The following HPCAL1 variants were observed in gnomAD, a reference collection of about 807,000 sequenced individuals.
HPCAL1 encodes the protein hippocalcin-like protein 1.
In HPCAL1, 8 loss-of-function variants were observed where a neutral mutation model predicts 17.1. The ratio of observed to expected loss-of-function variants is 0.47; its 90% CI spans 0.27 to 0.84. HPCAL1 has a LOEUF of 0.84. Among genes scored for constraint, HPCAL1 ranks in the 40% least tolerant of loss-of-function variants. The pLI is 0.13. For synonymous variants in HPCAL1, 112 were observed against 111.4 expected (o/e 1.01, Z -0.03); for missense variants, 165 against 271.1 (o/e 0.61, Z 2.75).
chr2:10,399,409 CCACCACCACCACCAT>C (rs1669371615), intron 2 of HPCAL1, among the ~76,000 whole-genome samples: 1 of 57,362 alleles, frequency 1.7e-5, no homozygotes, highest in African/African-American at 6.4e-5. Flanking sequence ...ACCACCACCA[CCACCACCACCACCAT>C]CACCACCACC....
intron 1 of HPCAL1, among the ~76,000 whole-genome samples, chr2:10,345,035 CTGTT>C (rs1049217861): frequency 6.6e-6 from 1 of 151,694 alleles, no homozygotes; most frequent in African/African-American, 2.4e-5. Context: ...CTCTATGTGT[CTGTT>C]TCTCTCTCTC....
rs1670921118 is a variant in HPCAL1, at chr2:10,419,806, C to T, written c.49C>T (p.Arg17Trp). ...GCGGCCCGAGGTGCTGCAGGACCTG[C>T]GGGAGAACACGGAGTTCACCGACCA... ...KLRPEVLQDLRENTEFTDHEL... is the reference protein window; with the variant it reads ...KLRPEVLQDLWENTEFTDHEL... The change falls in exon 3 of 5, where the codon CGG (arginine) becomes TGG (tryptophan). Residue 17 changes from arginine to tryptophan, a missense_variant. Coordinates refer to ENST00000307845, the MANE Select transcript of HPCAL1 (RefSeq NM_002149.4). The surrounding 1 kb of genome is among the most constrained non-coding windows in gnomAD (Gnocchi z 5.0). The T allele has an allele frequency of 1.9e-6, 3 of 1,613,320 alleles. No individual in the cohort carries two copies. Among genetic ancestry groups the T allele is most frequent in the Non-Finnish European group, 2.5e-6 (3 of 1,179,894 alleles).
intron 1 of HPCAL1, among the ~76,000 whole-genome samples, chr2:10,345,644 A>G (rs1164341620): frequency 6.6e-6 from 1 of 151,870 alleles, no homozygotes; most frequent in Non-Finnish European, 1.5e-5. Flanking sequence ...TTTTGTAGAG[A>G]CAGGGTCTTG....
Position 10,322,377 on chromosome 2 carries a change from A to G in HPCAL1, c.-111+19200A>G, listed in dbSNP as rs557081719. Among the ~76,000 whole-genome samples the G allele has an allele frequency of 1.2e-4, 18 of 152,346 alleles. No homozygotes were observed. In the East Asian group the frequency reaches 3.3e-3, roughly 28 times the overall value. On this transcript the variant is annotated intron_variant, in intron 1 of 4. Transcript: ENST00000307845. Reference sequence around the variant, plus strand: ...TCTCATGAGAAGGTGACATCTGAGCAAAGACTTGAAGAAAATAAGGGCAGA... The same window carrying G: ...TCTCATGAGAAGGTGACATCTGAGCGAAGACTTGAAGAAAATAAGGGCAGA...
At position 10,422,968 on chromosome 2, in the gene HPCAL1, TG is replaced by T; in HGVS notation, c.379-14del. 6.3e-7 allele frequency: 1 copy of T among 1,589,570 alleles called. No homozygotes were observed. Among genetic ancestry groups the T allele is most frequent in the Non-Finnish European group, 8.6e-7 (1 of 1,158,704 alleles). ...CCCGGGCCTCTGAGCACAGTGTCAT[TG>T]CCCCCATCCGCAGGCCATCTACAAG... On this transcript the variant is annotated splice_polypyrimidine_tract_variant and intron_variant, in intron 3 of 4. Transcript: ENST00000307845.
Position 10,322,576 on chromosome 2 carries a change from G to A in HPCAL1, c.-111+19399G>A, listed in dbSNP as rs185060823. Among the ~76,000 whole-genome samples the A allele has an allele frequency of 1.3e-4, 20 of 152,340 alleles. No homozygotes were observed. The East Asian group carries it at 1.9e-3, about 15-fold the overall frequency. Reference sequence around the variant, plus strand: ...TTCTGGCTGAGGGGCAGCCTGCTGCGAGGGGTTTCCCTTTCTGAATAAAGA... The same window carrying A: ...TTCTGGCTGAGGGGCAGCCTGCTGCAAGGGGTTTCCCTTTCTGAATAAAGA... On this transcript the variant is annotated intron_variant, in intron 1 of 4. Coordinates refer to ENST00000307845, the MANE Select transcript of HPCAL1 (RefSeq NM_002149.4).
intron 1 of HPCAL1, among the ~76,000 whole-genome samples, chr2:10,385,941 G>A (rs1668283303): frequency 6.6e-6 from 1 of 152,144 alleles, no homozygotes; most frequent in African/African-American, 2.4e-5. Flanking sequence ...TTTTCTTCCT[G>A]CTCTGCCTGT....
intron 1 of HPCAL1, among the ~76,000 whole-genome samples, chr2:10,387,091 G>A (rs1055595319): frequency 6.6e-6 from 1 of 152,234 alleles, no homozygotes; most frequent in Non-Finnish European, 1.5e-5. Flanking sequence ...CAGATGGGGG[G>A]ATGGTCTGTA....
intron 2 of HPCAL1, among the ~76,000 whole-genome samples, chr2:10,400,355 A>G (rs1669523145): frequency 6.6e-6 from 1 of 152,236 alleles, no homozygotes; most frequent in Non-Finnish European, 1.5e-5. Flanking sequence ...GCCTCCTCCC[A>G]GGCTTAAGAG....
chr2:10,393,664 C>T (rs1389693704), intron 1 of HPCAL1, among the ~76,000 whole-genome samples: 1 of 152,162 alleles, frequency 6.6e-6, no homozygotes, highest in Non-Finnish European at 1.5e-5. Context: ...GACAGTGGGG[C>T]CTTTGCAACC....
chr2:10,348,608 A>T (rs200347959), intron 1 of HPCAL1, among the ~76,000 whole-genome samples: 5,861 of 105,002 alleles, frequency 0.056, 409 homozygotes, highest in African/African-American at 0.18. Flanking sequence ...TACAAAAAAA[A>T]AAAAATATAT....
rs773982088 is a variant in HPCAL1 at position 10,330,328 on chromosome 2, T to G, written c.-111+27151T>G. The G allele has an allele frequency of 2.0e-5, 3 of 152,276 alleles. No homozygotes were observed. The highest frequency in any genetic ancestry group is 2.9e-5 in the Non-Finnish European group (2 of 68,032). 9.4% of individuals were successfully genotyped at this position (152,276 alleles called of 1,614,324 possible). ...AATGCTTATTCTTATTTAGTCCTCA[T>G]AGGAGAGTGGCGAAGGGCAGCAGCT... is the stretch of plus-strand genomic sequence containing the variant. On this transcript the variant is annotated intron_variant, in intron 1 of 4. Coordinates refer to ENST00000307845, the MANE Select transcript of HPCAL1 (RefSeq NM_002149.4). The surrounding 1 kb of genome is among the most constrained non-coding windows in gnomAD (Gnocchi z 4.2).
intron 1 of HPCAL1, among the ~76,000 whole-genome samples, chr2:10,358,160 G>A (rs943240841): frequency 4.6e-5 from 7 of 152,330 alleles, no homozygotes; most frequent in African/African-American, 1.7e-4. Context: ...GGATGATTCC[G>A]GCCCCACTTT....
intron 1 of HPCAL1, among the ~76,000 whole-genome samples, chr2:10,357,255 CCCACCAAG>C (rs1471534403): frequency 2.6e-5 from 4 of 152,190 alleles, no homozygotes; most frequent in Non-Finnish European, 5.9e-5. Context: ...GCTTGCAGTA[CCCACCAAG>C]CCAGGCCAGC....
rs1313614402 is a variant in HPCAL1 at position 10,419,950 on chromosome 2, G to C, written c.193G>C (p.Ala65Pro). Residue 65 changes from alanine (A) to proline (P), a missense_variant, in exon 3 of 5, where the codon GCC becomes CCC. Ala to Pro is a conservative substitution (Grantham distance 27, BLOSUM62 -1). Transcript: ENST00000307845. This position sits in a 1 kb window ranked among gnomAD's most constrained non-coding sequence, Gnocchi z 5.0. The part of the protein sequence containing the change: ...FFPYGDASKF[A>P]EHVFRTFDTN... ...CCCCTACGGCGACGCTTCCAAGTTC[G>C]CCGAGCACGTCTTCCGCACCTTCGA... The C allele has an allele frequency of 4.3e-6, 7 of 1,613,824 alleles. No homozygotes were observed.
Position 10,332,148 on chromosome 2 carries a change from A to T in HPCAL1, c.-111+28971A>T, listed in dbSNP as rs1405977774. 4.6e-5 allele frequency among the ~76,000 whole-genome samples: 7 copies of T among 151,970 alleles called. No homozygotes were observed. In the East Asian group the frequency reaches 1.4e-3, roughly 29 times the overall value. On this transcript the variant is annotated intron_variant, in intron 1 of 4. Transcript: ENST00000307845. ...TGCTTCTCCCTTCCTGCTTTTGGGG[A>T]CGATCACAGGACAGTGGCTTCAGAG...
intron 1 of HPCAL1, among the ~76,000 whole-genome samples, chr2:10,305,447 C>G (rs1357192494): frequency 6.6e-6 from 1 of 152,212 alleles, no homozygotes; most frequent in Non-Finnish European, 1.5e-5. Context: ...AGGGAAGGCC[C>G]GGGGGCCCTG....
In HPCAL1 at chr2:10,378,223, GTTT is replaced by G. The variant is rs58697364; in HGVS notation, c.-110-18589_-110-18587del. Among the ~76,000 whole-genome samples, 56 of 96,272 alleles carry G rather than the reference GTTT, an allele frequency of 5.8e-4. 1 individual carries two copies. Among genetic ancestry groups the G allele is most frequent in the Middle Eastern group, 0.01 (2 of 194 alleles). 63.2% of individuals were successfully genotyped at this position (96,272 alleles called of 152,430 possible). ...AAAAAGTAGAGAAAGGTGGTTTCAT[GTTT>G]TTTTTTTTTTTTTTTTTTTTTTACT... is the stretch of plus-strand genomic sequence containing the variant. On this transcript the variant is annotated intron_variant, in intron 1 of 4. Transcript: ENST00000307845.
chr2:10,336,337 C>A (rs1281989164), intron 1 of HPCAL1, among the ~76,000 whole-genome samples: 1 of 152,172 alleles, frequency 6.6e-6, no homozygotes, highest in Non-Finnish European at 1.5e-5. Flanking sequence ...AGAGACTAAT[C>A]CTTTGTCAGT....
Sources: gnomAD v4.1 joint callset for allele counts (sites outside exome capture counted in the v4.1 genomes callset) on GRCh38, gnomAD v4.1.1 for gene constraint, Gnocchi (gnomAD v3.1) non-coding constraint, MANE v1.5 for transcripts, NCBI Gene and HGNC (gene_info 2026-07-23, HGNC 2026-07-21) for gene names.